TMPRSS15: variants seen among roughly 807,000 people sequenced by gnomAD.
TMPRSS15 encodes enteropeptidase.
In TMPRSS15, 128 loss-of-function variants were observed where a neutral mutation model predicts 125.3. The ratio of observed to expected loss-of-function variants is 1.02; its 90% CI spans 0.89 to 1.18. The LOEUF (loss-of-function observed/expected upper bound fraction) is 1.18, where lower values mean the gene tolerates loss of function less well. Ranked by LOEUF, TMPRSS15 falls within the 50% of genes most tolerant of loss-of-function variation. The pLI, the probability that TMPRSS15 is intolerant of heterozygous loss-of-function variation, is 0.00. For missense variants in TMPRSS15, 1,283 were observed against 1,212.7 expected (o/e 1.06, Z -0.86); for synonymous variants, 446 against 423.2 (o/e 1.05, Z -0.66).
intron 5 of TMPRSS15, among the ~76,000 whole-genome samples, chr21:18,376,933 T>C (rs1405353971): frequency 1.3e-5 from 2 of 152,210 alleles, no homozygotes; most frequent in African/African-American, 4.8e-5. Context: ...CATGCATCTG[T>C]TGATTTTTCT....
chr21:18,402,187 T>C (rs186285768), intron 1 of TMPRSS15, among the ~76,000 whole-genome samples: 19 of 152,264 alleles, frequency 1.2e-4, no homozygotes, highest in East Asian at 9.7e-4. Flanking sequence ...ACTTATTTAC[T>C]AGAATAAAAT....
intron 9 of TMPRSS15, 68 bp downstream of exon 9, chr21:18,353,655 C>T (rs2075594939): frequency 1.4e-6 from 2 of 1,442,202 alleles, no homozygotes; most frequent in Non-Finnish European, 9.6e-7. Flanking sequence ...GATTCTGCTA[C>T]CTTTAAAATT....
In TMPRSS15 at chr21:18,403,713, G is replaced by A; in HGVS notation, c.-91C>T. 6.5e-7 allele frequency: 1 copy of A among 1,538,798 alleles called. No homozygotes were observed. The highest frequency in any genetic ancestry group is 8.9e-7 in the Non-Finnish European group (1 of 1,124,022). ...GAGAAAAATCTCTCAAATTTTTAAA[G>A]ATGTGTAAAGCAACAACCACCTGTC... On this transcript the variant is annotated 5_prime_UTR_variant, in exon 1 of 25. Coordinates refer to ENST00000284885, the MANE Select transcript of TMPRSS15 (RefSeq NM_002772.3).
In TMPRSS15 at chr21:18,312,070, G is replaced by T. The variant is rs562633172; in HGVS notation, c.2165+875C>A. ...TTAATATGACAAACAAACTTTAAATGATATAGTGTTATAAGTTATAAAGAT... is the reference window on the plus strand; with the variant it reads ...TTAATATGACAAACAAACTTTAAATTATATAGTGTTATAAGTTATAAAGAT... On this transcript the variant is annotated intron_variant, in intron 18 of 24. Coordinates refer to ENST00000284885, the MANE Select transcript of TMPRSS15 (RefSeq NM_002772.3). 3.7e-4 allele frequency among the ~76,000 whole-genome samples: 57 copies of T among 152,134 alleles called. 1 individual carries two copies. The highest frequency in any genetic ancestry group is 3.4e-3 in the Middle Eastern group (1 of 292).
chr21:18,275,950 C>T (rs909455685), intron 23 of TMPRSS15, among the ~76,000 whole-genome samples: 15 of 152,126 alleles, frequency 9.9e-5, no homozygotes, highest in Admixed American at 2.6e-4. Context: ...ACTAGAAGTA[C>T]GAATCTCTGC....
intron 16 of TMPRSS15, among the ~76,000 whole-genome samples, chr21:18,319,422 A>ATTTTT (rs35796863): frequency 1.9e-5 from 2 of 105,310 alleles, no homozygotes; most frequent in African/African-American, 3.5e-5. Context: ...TTCTTCACCG[A>ATTTTT]TTTTTTTTTT....
At chr21:18,447,605 G>A (rs1205297325) in intron 1 of TMPRSS15, among the ~76,000 whole-genome samples, 1 of 152,046 alleles carries the variant, frequency 6.6e-6, no homozygotes, top group African/African-American at 2.4e-5. Flanking sequence ...AAGTAATTGA[G>A]TCATGAAGGC....
intron 16 of TMPRSS15, among the ~76,000 whole-genome samples, chr21:18,319,841 T>G (rs2075216052): frequency 6.6e-6 from 1 of 152,214 alleles, no homozygotes; most frequent in Non-Finnish European, 1.5e-5. Context: ...CTCAGTATCT[T>G]ACAACAATAA....
chr21:18,342,289 A>T (rs1305261904), intron 12 of TMPRSS15, among the ~76,000 whole-genome samples: 3 of 152,230 alleles, frequency 2.0e-5, no homozygotes, highest in African/African-American at 7.2e-5. Context: ...CATGGTATAC[A>T]TTGATCTTAT....
At chr21:18,276,201 T>G (rs1355422353) in intron 23 of TMPRSS15, among the ~76,000 whole-genome samples, 1 of 152,204 alleles carries the variant, frequency 6.6e-6, no homozygotes, top group East Asian at 1.9e-4. Flanking sequence ...AGTGTGTTCG[T>G]GCACACGTGC....
chr21:18,294,248 G>A (rs1263090677), intron 21 of TMPRSS15, 22 bp downstream of exon 21: 1 of 1,613,612 alleles, frequency 6.2e-7, no homozygotes, highest in African/African-American at 1.3e-5. Context: ...GTTTGGGAAG[G>A]GACACTTGAC....
At chr21:18,345,167 T>C (rs1471959263) in intron 10 of TMPRSS15, among the ~76,000 whole-genome samples, 1 of 152,242 alleles carries the variant, frequency 6.6e-6, no homozygotes, top group East Asian at 1.9e-4. Context: ...AAATGTAATA[T>C]GTACACATTC....
chr21:18,390,881 G>T (rs2075984627), intron 3 of TMPRSS15, among the ~76,000 whole-genome samples: 1 of 152,156 alleles, frequency 6.6e-6, no homozygotes, highest in Non-Finnish European at 1.5e-5. Context: ...TGGCTGGGGA[G>T]GCCTCAGAAA....
At chr21:18,439,047 C>T (rs946787682) in intron 1 of TMPRSS15, among the ~76,000 whole-genome samples, 3 of 152,140 alleles carry the variant, frequency 2.0e-5, no homozygotes, top group Non-Finnish European at 4.4e-5. Flanking sequence ...AAACAATCAA[C>T]TCTAAAAGTC....
chr21:18,370,730 C>G (rs2075784136), intron 6 of TMPRSS15, among the ~76,000 whole-genome samples: 1 of 152,070 alleles, frequency 6.6e-6, no homozygotes, highest in Non-Finnish European at 1.5e-5. Context: ...ATCGGGATTG[C>G]TTAGTGGAAA....
intron 1 of TMPRSS15, among the ~76,000 whole-genome samples, chr21:18,412,936 G>A (rs753802565): frequency 2.6e-4 from 39 of 152,094 alleles, no homozygotes; most frequent in Non-Finnish European, 2.4e-4. Flanking sequence ...CCTTGGAAAC[G>A]TTGTGTAAAA....
intron 7 of TMPRSS15, among the ~76,000 whole-genome samples, chr21:18,364,306 A>G (rs1387893984): frequency 1.3e-5 from 2 of 152,166 alleles, no homozygotes; most frequent in African/African-American, 4.8e-5. Flanking sequence ...AATTTTTCAT[A>G]GTGAATTCTA....
chr21:18,468,245 A>C (rs539524728), intron 1 of TMPRSS15, among the ~76,000 whole-genome samples: 8 of 152,082 alleles, frequency 5.3e-5, no homozygotes, highest in African/African-American at 1.2e-4. Context: ...TCCTTTTGTG[A>C]TATCAGTGAA....
At chr21:18,376,335 A>C (rs1025489390) in intron 5 of TMPRSS15, among the ~76,000 whole-genome samples, 3 of 152,182 alleles carry the variant, frequency 2.0e-5, no homozygotes, top group African/African-American at 7.2e-5. Flanking sequence ...AGTGCTTAGC[A>C]ATATATAAAT....
Sources: gnomAD v4.1 joint callset for allele counts (sites outside exome capture counted in the v4.1 genomes callset) on GRCh38, gnomAD v4.1.1 for gene constraint, MANE v1.5 for transcripts, NCBI Gene and HGNC (gene_info 2026-07-23, HGNC 2026-07-21) for gene names.